The following PI4KA variants were observed in gnomAD, a reference collection of about 807,000 sequenced individuals.
The protein encoded by PI4KA is phosphatidylinositol 4-kinase alpha.
Under a neutral mutation model 271.4 loss-of-function variants are expected in PI4KA, and 122 were observed. That is an observed-to-expected ratio of 0.45 (90% CI 0.39 to 0.52). PI4KA has a LOEUF of 0.52. Ranked by LOEUF, PI4KA falls within the 20% of genes least tolerant of loss-of-function variation. The pLI is 0.00. For synonymous variants in PI4KA, 1,041 were observed against 1,078.8 expected (o/e 0.96, Z 0.69); for missense variants, 1,969 against 2,769.1 (o/e 0.71, Z 6.48).
chr22:20,767,034 C>CA (rs1466015400), intron 19 of PI4KA, among the ~76,000 whole-genome samples: 2 of 152,022 alleles, frequency 1.3e-5, no homozygotes, highest in African/African-American at 4.8e-5. Context: ...GAAATCTATC[C>CA]AAAAAATGTT....
intron 3 of PI4KA, among the ~76,000 whole-genome samples, chr22:20,825,087 T>G (rs374018257): frequency 2.6e-5 from 1 of 38,974 alleles, no homozygotes; most frequent in Non-Finnish European, 5.6e-5. Flanking sequence ...AAAAAAAAAA[T>G]CAATTTTGAA....
At chr22:20,745,725 G>A (rs1929976971) in intron 29 of PI4KA, among the ~76,000 whole-genome samples, 1 of 152,162 alleles carries the variant, frequency 6.6e-6, no homozygotes, top group African/African-American at 2.4e-5. Context: ...GAGACCTTGG[G>A]AAGTCAATGT....
chr22:20,759,969 G>A (rs1601425325), intron 23 of PI4KA, among the ~76,000 whole-genome samples: 1 of 152,078 alleles, frequency 6.6e-6, no homozygotes, highest in African/African-American at 2.4e-5. Context: ...CAAAGTGCTG[G>A]GATTACAGCT....
chr22:20,787,104 C>T (rs55796662), intron 19 of PI4KA: 55,703 of 1,566,640 alleles, frequency 0.036, 1,161 homozygotes, highest in Middle Eastern at 0.063. Context: ...CTTGGGGGCA[C>T]CCTCATTTTG....
intron 14 of PI4KA, among the ~76,000 whole-genome samples, chr22:20,800,830 C>T (rs1216310614): frequency 2.0e-5 from 3 of 147,858 alleles, no homozygotes; most frequent in East Asian, 2.1e-4. Context: ...GCTGAGATCG[C>T]GCCACTGCAC....
rs904193948 is a variant in PI4KA at position 20,751,462 on chromosome 22, T to C, written c.3070-86A>G. The C allele has an allele frequency of 3.3e-6, 4 of 1,202,014 alleles. No individual in the cohort carries two copies. In the Admixed American group the frequency reaches 5.7e-5, roughly 17 times the overall value. The allele number at this position is 1,202,014 out of a possible 1,614,324, so 74.5% of individuals were successfully genotyped here. On this transcript the variant is annotated intron_variant, in intron 26 of 54. Coordinates refer to ENST00000255882, the MANE Select transcript of PI4KA (RefSeq NM_058004.4). ...ACATGGGCCACCCCTACCCACCACC[T>C]GTCTGTCTGTGACAGGCCTCCATAC...
In PI4KA at chr22:20,813,552, T is replaced by G. The variant is rs1223194265; in HGVS notation, c.857-46A>C. 3.1e-6 allele frequency: 5 copies of G among 1,592,598 alleles called. No homozygotes were observed. The African/African-American group carries it at 6.7e-5, about 21-fold the overall frequency. ...AAACTCAGCCGTGGTGACAGGCAAC[T>G]AGGGTACTTCCTCAAGCTGACTCCC... is the stretch of plus-strand genomic sequence containing the variant. On this transcript the variant is annotated intron_variant, in intron 7 of 54. Transcript: ENST00000255882.
chr22:20,794,860 A>G (rs1934882726), intron 18 of PI4KA, among the ~76,000 whole-genome samples: 1 of 152,246 alleles, frequency 6.6e-6, no homozygotes, highest in South Asian at 2.1e-4. Context: ...ATAGGAGCAC[A>G]GTCACGCCTG....
chr22:20,810,466 G>A (rs1038769718), intron 9 of PI4KA, among the ~76,000 whole-genome samples: 8 of 150,760 alleles, frequency 5.3e-5, no homozygotes, highest in East Asian at 1.9e-4. Flanking sequence ...CCGAGATTGC[G>A]CCACTGCACT....
At chr22:20,804,886 T>C in intron 11 of PI4KA, 88 bp downstream of exon 11, 3 of 1,083,604 alleles carry the variant, frequency 2.8e-6, no homozygotes, top group Non-Finnish European at 4.1e-6. Flanking sequence ...GAGCCAAGTG[T>C]TCTAGAAGTA....
chr22:20,727,936 A>T, intron 39 of PI4KA, 72 bp from the exon 40 acceptor site: 2 of 1,061,370 alleles, frequency 1.9e-6, no homozygotes, highest in Non-Finnish European at 1.4e-6. Context: ...CACTGGAGTG[A>T]GGGGAGCCAG....
At chr22:20,750,615 T>TC (rs1930573976) in intron 27 of PI4KA, among the ~76,000 whole-genome samples, 1 of 152,228 alleles carries the variant, frequency 6.6e-6, no homozygotes, top group Non-Finnish European at 1.5e-5. Flanking sequence ...GCAACTTGTG[T>TC]CCTGGGTCTG....
intron 22 of PI4KA, among the ~76,000 whole-genome samples, chr22:20,762,406 T>C (rs1452081062): frequency 6.6e-6 from 1 of 152,238 alleles, no homozygotes; most frequent in Non-Finnish European, 1.5e-5. Flanking sequence ...GGTTCCTGAA[T>C]AAAGGCTTTG....
intron 2 of PI4KA, among the ~76,000 whole-genome samples, chr22:20,836,557 A>T (rs1185827573): frequency 6.6e-6 from 1 of 152,094 alleles, no homozygotes; most frequent in Non-Finnish European, 1.5e-5. Context: ...GGTGAGTAAA[A>T]CCACCTCAGC....
intron 3 of PI4KA, among the ~76,000 whole-genome samples, chr22:20,825,163 CAGA>C (rs1366525571): frequency 6.6e-6 from 1 of 150,712 alleles, no homozygotes; most frequent in African/African-American, 2.4e-5. Flanking sequence ...TAGTACATGA[CAGA>C]AGACTTACAT....
intron 2 of PI4KA, among the ~76,000 whole-genome samples, chr22:20,835,832 A>C (rs937631114): frequency 1.3e-5 from 2 of 152,042 alleles, no homozygotes; most frequent in Non-Finnish European, 2.9e-5. Context: ...GCGGATCACG[A>C]GGTCAGGAGA....
chr22:20,844,224 C>A (rs1925959933), intron 1 of PI4KA, among the ~76,000 whole-genome samples: 1 of 152,152 alleles, frequency 6.6e-6, no homozygotes, highest in African/African-American at 2.4e-5. Context: ...TCCACTGCAC[C>A]CTACACATTT....
chr22:20,818,347 C>A, intron 7 of PI4KA, 136 bp downstream of exon 7: 2 of 530,904 alleles, frequency 3.8e-6, no homozygotes, highest in South Asian at 3.1e-5. Flanking sequence ...AAAATAAATG[C>A]TTCCTAAAAG....
In PI4KA at chr22:20,731,801, C is replaced by T. The variant is rs779067565; in HGVS notation, c.4288+1170G>A. On this transcript the variant is annotated intron_variant, in intron 36 of 54. Transcript: ENST00000255882. ...AAAATTAGCCAGGTGTGGTAGCGAG[C>T]GCCTGTAGTCCCAGCTACTTGGGAG... Among the ~76,000 whole-genome samples, 9 of 152,062 alleles carry T rather than the reference C, an allele frequency of 5.9e-5. No homozygotes were observed. The East Asian group carries it at 7.7e-4, about 13-fold the overall frequency.
Sources: allele counts gnomAD v4.1 joint callset (sites outside exome capture counted in the v4.1 genomes callset), GRCh38; gene constraint gnomAD v4.1.1; transcripts MANE v1.5; gene names NCBI Gene and HGNC (gene_info 2026-07-23, HGNC 2026-07-21).